Variants in RPS15A observed in about 807,000 individuals in gnomAD.
The protein encoded by RPS15A is ribosomal protein S15a.
For synonymous variants in RPS15A, 55 were observed against 58.5 expected (o/e 0.94, Z 0.27); for missense variants, 62 against 163.4 (o/e 0.38, Z 3.38).
Position 18,781,348 on chromosome 16 carries a change from G to C in RPS15A, c.*1661C>G, listed in dbSNP as rs1386269064. ...AGTCAGTGTCCAGAAAGAAACCGAC[G>C]ATTCACTCAATCAACATGTAAGCGA... On this transcript the variant is annotated 3_prime_UTR_variant, in exon 5 of 5. Transcript: ENST00000322989. The C allele has an allele frequency of 2.6e-5, 4 of 150,950 alleles. No individual in the cohort carries two copies. Among genetic ancestry groups the C allele is most frequent in the Non-Finnish European group, 4.4e-5 (3 of 67,768 alleles). The allele number at this position is 150,950 out of a possible 1,614,324, so 9.4% of individuals were successfully genotyped here. A position where few individuals can be genotyped will look rare whatever the true frequency, so the allele number is the denominator to read the frequency against.
chr16:18,784,976 A>G lies in RPS15A; in HGVS notation c.214-153T>C, dbSNP rs545823717. ...TTATTCTGTGCACAATGCTTGACAT[A>G]CTTTTCAAAAAATACACCTAAGTAA... On this transcript the variant is annotated intron_variant, in intron 3 of 4. Transcript: ENST00000322989. The G allele has an allele frequency of 5.2e-6, 3 of 576,222 alleles. No individual in the cohort carries two copies. The Admixed American group carries it at 1.1e-4, about 22-fold the overall frequency. The allele number at this position is 576,222 out of a possible 1,614,324, so 35.7% of individuals were successfully genotyped here. A position where few individuals can be genotyped will look rare whatever the true frequency, so the allele number is the denominator to read the frequency against.
In RPS15A at chr16:18,783,798, T is replaced by C. The variant is rs1904002558; in HGVS notation, c.300-696A>G. On this transcript the variant is annotated intron_variant, in intron 4 of 4. Coordinates refer to ENST00000322989, the MANE Select transcript of RPS15A (RefSeq NM_001019.5). ...AATCAGGTGATAAACAGAGGAACTATTACCACTTTTACGGATGAAGAAATC... is the reference window on the plus strand; with the variant it reads ...AATCAGGTGATAAACAGAGGAACTACTACCACTTTTACGGATGAAGAAATC... 27 of 431,264 alleles carry C rather than the reference T, an allele frequency of 6.3e-5. 1 individual carries two copies. Among genetic ancestry groups the C allele is most frequent in the South Asian group, 4.4e-4 (27 of 61,358 alleles). 26.7% of individuals were successfully genotyped at this position (431,264 alleles called of 1,614,324 possible).
intron 3 of RPS15A, chr16:18,785,639 C>T (rs1402469684): frequency 1.3e-5 from 2 of 152,228 alleles, no homozygotes; most frequent in East Asian, 3.8e-4. Context: ...TGAAAATGGG[C>T]TTGTCAGAAA....
In RPS15A at chr16:18,782,870, G is replaced by C; in HGVS notation, c.*139C>G. The C allele has an allele frequency of 1.7e-6, 1 of 601,812 alleles. No individual in the cohort carries two copies. The highest frequency in any genetic ancestry group is 2.9e-6 in the Non-Finnish European group (1 of 340,524). 37.3% of individuals were successfully genotyped at this position (601,812 alleles called of 1,614,324 possible). A position where few individuals can be genotyped will look rare whatever the true frequency, so the allele number is the denominator to read the frequency against. Reference sequence around the variant, plus strand: ...CCTTGGCTGTATTAGTCACTTCAGGGAATCGCATTCACCGATAAACGAAGC... The same window carrying C: ...CCTTGGCTGTATTAGTCACTTCAGGCAATCGCATTCACCGATAAACGAAGC... On this transcript the variant is annotated 3_prime_UTR_variant, in exon 5 of 5. Transcript: ENST00000322989.
intron 4 of RPS15A, chr16:18,783,640 C>G (rs1267244169): frequency 2.2e-6 from 1 of 455,734 alleles, no homozygotes; most frequent in Non-Finnish European, 4.4e-6. Context: ...GAATACCGTA[C>G]CTGTAATACA....
At chr16:18,784,697 C>A (rs887436632) in intron 4 of RPS15A, 41 bp downstream of exon 4, 3 of 1,450,954 alleles carry the variant, frequency 2.1e-6, no homozygotes, top group Non-Finnish European at 2.8e-6. Context: ...CACAGAAATT[C>A]TTAGCATTAA....
chr16:18,783,811 G>T (rs961176452), intron 4 of RPS15A: 4 of 420,150 alleles, frequency 9.5e-6, no homozygotes, highest in South Asian at 3.4e-5. Context: ...CCACTTTTAC[G>T]GATGAAGAAA....
intron 2 of RPS15A, 25 bp downstream of exon 2, chr16:18,788,956 T>C: frequency 1.2e-6 from 2 of 1,602,564 alleles, no homozygotes; most frequent in Non-Finnish European, 1.7e-6. Context: ...CATGAAAACA[T>C]AAAACACAGC....
At chr16:18,785,592 A>G (rs1904034685) in intron 3 of RPS15A, 1 of 152,242 alleles carries the variant, frequency 6.6e-6, no homozygotes, top group Non-Finnish European at 1.5e-5. Flanking sequence ...GCACACTTGA[A>G]AAACACTTCC....
chr16:18,782,977 G>T lies in RPS15A; in HGVS notation c.*32C>A. 1.5e-6 allele frequency: 2 copies of T among 1,316,792 alleles called. No individual in the cohort carries two copies. Among genetic ancestry groups the T allele is most frequent in the Non-Finnish European group, 2.2e-6 (2 of 925,686 alleles). 81.6% of individuals were successfully genotyped at this position (1,316,792 alleles called of 1,614,324 possible). ...AAGTGGAAGCACCAGAGTCCATGAG[G>T]CATTTTATTTGTAAATATATGTATT... On this transcript the variant is annotated 3_prime_UTR_variant, in exon 5 of 5. Coordinates refer to ENST00000322989, the MANE Select transcript of RPS15A (RefSeq NM_001019.5).
At chr16:18,789,187 C>G in intron 1 of RPS15A, 69 bp from the exon 2 acceptor site, 4 of 1,460,558 alleles carry the variant, frequency 2.7e-6, no homozygotes, top group Non-Finnish European at 3.7e-6. Context: ...AACCATTACA[C>G]TGCGGAAGTA....
Position 18,788,141 on chromosome 16 carries a change from A to T in RPS15A, c.135T>A (p.Gly45=). ...VRFLTVMMKH[G]YIGEFEIIDD... is the part of the protein sequence containing the mutation. ...CAATGATTTCAAATTCGCCAATGTA[A>T]CCTACAAAAGATAACTGACTGGATT... The change falls in exon 3 of 5, where the codon GGT becomes GGA. Residue 45 remains glycine (G), a splice_region_variant and synonymous_variant. Coordinates refer to ENST00000322989, the MANE Select transcript of RPS15A (RefSeq NM_001019.5). 1 of 1,601,140 alleles carries T rather than the reference A, an allele frequency of 6.2e-7. No homozygotes were observed. The highest frequency in any genetic ancestry group is 1.7e-4 in the Middle Eastern group (1 of 6,048).
chr16:18,789,970 C>T (rs2029996439), intron 1 of RPS15A: 1 of 152,380 alleles, frequency 6.6e-6, no homozygotes, highest in Non-Finnish European at 1.5e-5. Flanking sequence ...CCACCAGCCC[C>T]GATGTTGCCC....
At chr16:18,788,935 A>C in intron 2 of RPS15A, 46 bp downstream of exon 2, 1 of 1,580,508 alleles carries the variant, frequency 6.3e-7, no homozygotes, top group South Asian at 1.2e-5. Context: ...CTGATTTCTT[A>C]GAGAGTCTCA....
intron 2 of RPS15A, 36 bp downstream of exon 2, chr16:18,788,945 A>G: frequency 6.3e-7 from 1 of 1,593,582 alleles, no homozygotes; most frequent in Non-Finnish European, 8.5e-7. Context: ...AGAGAGTCTC[A>G]CATGAAAACA....
Position 18,781,529 on chromosome 16 carries a change from G to A in RPS15A, c.*1480C>T, listed in dbSNP as rs1903966559. Reference sequence around the variant, plus strand: ...TGCTTGTGACTGTCATGTGCCAAGTGCGCTTTACACAATCTCATTTTTCCC... The same window carrying A: ...TGCTTGTGACTGTCATGTGCCAAGTACGCTTTACACAATCTCATTTTTCCC... On this transcript the variant is annotated 3_prime_UTR_variant, in exon 5 of 5. Coordinates refer to ENST00000322989, the MANE Select transcript of RPS15A (RefSeq NM_001019.5). 6.6e-6 allele frequency: 1 copy of A among 151,488 alleles called. No homozygotes were observed. Among genetic ancestry groups the A allele is most frequent in the South Asian group, 2.1e-4 (1 of 4,772 alleles). The allele number at this position is 151,488 out of a possible 1,614,324, so 9.4% of individuals were successfully genotyped here. A position where few individuals can be genotyped will look rare whatever the true frequency, so the allele number is the denominator to read the frequency against.
At chr16:18,789,203 T>G in intron 1 of RPS15A, 85 bp from the exon 2 acceptor site, 2 of 1,370,064 alleles carry the variant, frequency 1.5e-6, no homozygotes, top group Non-Finnish European at 2.0e-6. Flanking sequence ...AAGTATCCTT[T>G]CCTTTCTGGC....
intron 2 of RPS15A, 77 bp downstream of exon 2, chr16:18,788,904 C>T: frequency 6.8e-7 from 1 of 1,470,626 alleles, no homozygotes; most frequent in South Asian, 1.3e-5. Context: ...CTTTGGTCCC[C>T]CATAATTAAT....
intron 2 of RPS15A, chr16:18,788,455 T>C: frequency 3.1e-6 from 1 of 320,836 alleles, no homozygotes; most frequent in Non-Finnish European, 5.8e-6. Flanking sequence ...ATCTTTCCTC[T>C]CAAAGAGCTC....
Sources: gnomAD v4.1 joint callset for allele counts on GRCh38, gnomAD v4.1.1 for gene constraint, MANE v1.5 for transcripts, NCBI Gene and HGNC (gene_info 2026-07-23, HGNC 2026-07-21) for gene names.